UGT1A7: variants seen among roughly 807,000 people sequenced by gnomAD.
UGT1A7 encodes the protein UDP glucuronosyltransferase family 1 member A7.
A neutral mutation model predicts 45.6 loss-of-function variants in UGT1A7; 33 were observed. The observed-to-expected ratio is 0.72, with a 90% CI of 0.55 to 0.97. UGT1A7 has a LOEUF of 0.97. Ranked by LOEUF, UGT1A7 falls within the 50% of genes least tolerant of loss-of-function variation. UGT1A7 has a pLI of 0.00. For missense variants in UGT1A7, 684 were observed against 666.2 expected (o/e 1.03, Z -0.29); for synonymous variants, 274 against 250.6 (o/e 1.09, Z -0.88).
chr2:233,724,364 G>C (rs1172748596), intron 1 of UGT1A7, among the ~76,000 whole-genome samples: 12 of 145,710 alleles, frequency 8.2e-5, no homozygotes, highest in Non-Finnish European at 1.2e-4. Flanking sequence ...CCTCCCGGAC[G>C]GGGTGGCTGC....
At chr2:233,745,472 G>T (rs1454081365) in intron 1 of UGT1A7, among the ~76,000 whole-genome samples, 5 of 151,704 alleles carry the variant, frequency 3.3e-5, no homozygotes, top group Non-Finnish European at 7.4e-5. Flanking sequence ...AGGGGAAAAT[G>T]ATTAACCAAA....
chr2:233,754,938 G>A lies in UGT1A7; in HGVS notation c.856-12096G>A, dbSNP rs1338582901. ...CAGCGGGTTTCCCAAGAGGTCAAAG[G>A]AGAATGGGTCCCGGCCGCCAAAGAA... On this transcript the variant is annotated intron_variant, in intron 1 of 4. Coordinates refer to ENST00000373426, the MANE Select transcript of UGT1A7 (RefSeq NM_019077.3). 4 of 1,337,850 alleles carry A rather than the reference G, an allele frequency of 3.0e-6. No individual in the cohort carries two copies. The South Asian group carries it at 4.6e-5, about 15-fold the overall frequency. The allele number at this position is 1,337,850 out of a possible 1,614,324, so 82.9% of individuals were successfully genotyped here.
chr2:233,765,029 G>A (rs1326471824), intron 1 of UGT1A7, among the ~76,000 whole-genome samples: 1 of 152,048 alleles, frequency 6.6e-6, no homozygotes, highest in Non-Finnish European at 1.5e-5. Flanking sequence ...CAGGAGTCCT[G>A]CTGTGCAAAT....
intron 1 of UGT1A7, among the ~76,000 whole-genome samples, chr2:233,739,752 C>A (rs1309875267): frequency 1.3e-5 from 2 of 152,166 alleles, no homozygotes; most frequent in Non-Finnish European, 2.9e-5. Context: ...GGACTATGGA[C>A]TTTTGAGCTA....
intron 1 of UGT1A7, chr2:233,754,848 A>G (rs1437174207): frequency 7.4e-7 from 1 of 1,344,734 alleles, no homozygotes; most frequent in African/African-American, 1.5e-5. Flanking sequence ...GAAGGCAGAG[A>G]AAAGGGGTGC....
intron 1 of UGT1A7, among the ~76,000 whole-genome samples, chr2:233,744,523 C>A (rs2125863777): frequency 6.6e-6 from 1 of 152,020 alleles, no homozygotes; most frequent in Non-Finnish European, 1.5e-5. Context: ...AATAGCAAAT[C>A]TTATTTTTAT....
Position 233,767,067 on chromosome 2 carries a change from C to G in UGT1A7, c.889C>G (p.His297Asp). ...FEAYINASGE[H>D]GIVVFSLGSM... The stretch of plus-strand genomic sequence containing the variant: ...AGCCTACATTAATGCTTCTGGAGAA[C>G]ATGGAATTGTGGTTTTCTCTTTGGG... Residue 297 changes from histidine to aspartate, a missense_variant, in exon 2 of 5, where the codon CAT becomes GAT. Coordinates refer to ENST00000373426, the MANE Select transcript of UGT1A7 (RefSeq NM_019077.3). The G allele has an allele frequency of 6.2e-7, 1 of 1,614,098 alleles. No individual in the cohort carries two copies. Among genetic ancestry groups the G allele is most frequent in the East Asian group, 2.2e-5 (1 of 44,866 alleles).
chr2:233,726,214 T>C (rs560651171), intron 1 of UGT1A7, among the ~76,000 whole-genome samples: 20 of 152,276 alleles, frequency 1.3e-4, no homozygotes, highest in Non-Finnish European at 2.5e-4. Context: ...TTAAAAAGTT[T>C]AGAAAACATT....
At chr2:233,713,352 T>C in intron 1 of UGT1A7, 2 of 1,614,192 alleles carry the variant, frequency 1.2e-6, no homozygotes, top group Non-Finnish European at 1.7e-6. Context: ...GAACAATATG[T>C]CTTTGATCAT....
chr2:233,743,344 G>C, intron 1 of UGT1A7: 1 of 880,632 alleles, frequency 1.1e-6, no homozygotes, highest in South Asian at 1.4e-5. Context: ...AGTGGAAGTC[G>C]ACATGGACTT....
At chr2:233,771,176 C>T (rs887864017) in intron 4 of UGT1A7, 17 of 152,256 alleles carry the variant, frequency 1.1e-4, no homozygotes, top group African/African-American at 3.6e-4. Context: ...CTGGGGATTA[C>T]AATTCAACAT....
intron 1 of UGT1A7, among the ~76,000 whole-genome samples, chr2:233,722,817 G>T (rs1300822952): frequency 6.1e-5 from 9 of 147,334 alleles, no homozygotes; most frequent in African/African-American, 2.0e-4. Flanking sequence ...ATTTTTTCAA[G>T]TTATTTTGTA....
intron 1 of UGT1A7, chr2:233,747,143 T>C (rs1451311300): frequency 2.6e-6 from 4 of 1,563,162 alleles, no homozygotes; most frequent in African/African-American, 1.4e-5. Context: ...ACAAGGTAAT[T>C]AAGATGAAGA....
chr2:233,704,584 A>G (rs1284227001), intron 1 of UGT1A7, among the ~76,000 whole-genome samples: 1 of 152,162 alleles, frequency 6.6e-6, no homozygotes, highest in Non-Finnish European at 1.5e-5. Context: ...CAAGAATCAG[A>G]GAGAAGAAAG....
intron 1 of UGT1A7, among the ~76,000 whole-genome samples, chr2:233,762,621 C>T (rs1374321731): frequency 6.6e-6 from 1 of 152,118 alleles, no homozygotes; most frequent in Non-Finnish European, 1.5e-5. Context: ...TTGTTGTGAC[C>T]TCAAACACTT....
chr2:233,763,341 T>C (rs1156611161), intron 1 of UGT1A7, among the ~76,000 whole-genome samples: 2 of 152,260 alleles, frequency 1.3e-5, no homozygotes, highest in African/African-American at 4.8e-5. Context: ...TACATTTCCC[T>C]AGCACATCTT....
chr2:233,761,218 C>T (rs1697719268), intron 1 of UGT1A7: 4 of 1,613,576 alleles, frequency 2.5e-6, no homozygotes, highest in Middle Eastern at 1.6e-4. Flanking sequence ...GATCGATTAA[C>T]TAGCCCCAGA....
chr2:233,697,701 G>T (rs765701149), intron 1 of UGT1A7, among the ~76,000 whole-genome samples: 13 of 151,746 alleles, frequency 8.6e-5, no homozygotes, highest in Non-Finnish European at 1.5e-4. Flanking sequence ...TTGGATGTAG[G>T]CATTTATTGT....
chr2:233,743,841 G>A (rs768671945), intron 1 of UGT1A7: 2 of 1,367,168 alleles, frequency 1.5e-6, no homozygotes, highest in Admixed American at 3.8e-5. Flanking sequence ...TTGAGCGCCA[G>A]CTTGCGGTAC....
Sources: gnomAD v4.1 joint callset for allele counts (sites outside exome capture counted in the v4.1 genomes callset) on GRCh38, gnomAD v4.1.1 for gene constraint, MANE v1.5 for transcripts, NCBI Gene and HGNC (gene_info 2026-07-23, HGNC 2026-07-21) for gene names.